The following MAP7 variants were observed in gnomAD, a reference collection of about 807,000 sequenced individuals.
The protein encoded by MAP7 is ensconsin.
MAP7 carries 52 observed loss-of-function variants against 94.8 expected under a neutral mutation model. The observed-to-expected ratio is 0.55, with a 90% CI of 0.44 to 0.69. MAP7 has a LOEUF of 0.69. Ranked by LOEUF, MAP7 falls within the 30% of genes least tolerant of loss-of-function variation. MAP7 has a pLI of 0.00. For missense variants in MAP7, 940 were observed against 964.6 expected, an observed-to-expected ratio of 0.97 and a Z score of 0.34; for synonymous variants, 350 against 357.0, an observed-to-expected ratio of 0.98 and a Z score of 0.22.
chr6:136,508,373 G>A (rs1195532232), intron 1 of MAP7, among the ~76,000 whole-genome samples: 1 of 152,026 alleles, frequency 6.6e-6, no homozygotes, highest in Non-Finnish European at 1.5e-5. Flanking sequence ...AGAGACCACA[G>A]TAACAAAGAT....
intron 1 of MAP7, among the ~76,000 whole-genome samples, chr6:136,464,009 G>C (rs1359154001): frequency 6.6e-6 from 1 of 152,152 alleles, no homozygotes; most frequent in Admixed American, 6.5e-5. Context: ...ATGTGGAAGG[G>C]GCTGCCCTCC....
chr6:136,440,500 G>A (rs905920646), intron 1 of MAP7, among the ~76,000 whole-genome samples: 2 of 152,094 alleles, frequency 1.3e-5, no homozygotes, highest in Non-Finnish European at 2.9e-5. Context: ...AACAGGATAT[G>A]CATCAGCTTT....
chr6:136,484,143 G>A (rs907355571), intron 1 of MAP7, among the ~76,000 whole-genome samples: 16 of 152,186 alleles, frequency 1.1e-4, no homozygotes, highest in South Asian at 4.1e-4. Flanking sequence ...TCCATCTCAA[G>A]TGAGTCCAGC....
At position 136,362,479 on chromosome 6, in the gene MAP7, C is replaced by T; in HGVS notation, c.1497G>A (p.Arg499=). 1 of 1,614,188 alleles carries T rather than the reference C, an allele frequency of 6.2e-7. No homozygotes were observed. The highest frequency in any genetic ancestry group is 1.1e-5 in the South Asian group (1 of 91,074). Residue 499 remains arginine, a synonymous_variant, in exon 11 of 18, where the codon AGG becomes AGA. Coordinates refer to ENST00000354570, the MANE Select transcript of MAP7 (RefSeq NM_003980.6). ...LAREQREKEE[R]ERREQEELER... ...CAAGCTCTTCCTGCTCCCTCCTCTC[C>T]CTTTCTTCCTTTTCTCTCTGCTCTC...
At chr6:136,447,161 AC>A (rs963112681) in intron 1 of MAP7, among the ~76,000 whole-genome samples, 3 of 151,536 alleles carry the variant, frequency 2.0e-5, no homozygotes, top group Non-Finnish European at 4.4e-5. Flanking sequence ...AAAACTCATC[AC>A]CCCCCCGAAA....
chr6:136,430,907 C>A (rs772536007), intron 1 of MAP7, among the ~76,000 whole-genome samples: 27 of 152,258 alleles, frequency 1.8e-4, no homozygotes, highest in Admixed American at 3.3e-4. Context: ...GCCCTGCGCC[C>A]CCACCGCCTA....
chr6:136,440,206 GCAGT>G (rs1797438808), intron 1 of MAP7, among the ~76,000 whole-genome samples: 1 of 152,186 alleles, frequency 6.6e-6, no homozygotes, highest in Middle Eastern at 3.2e-3. Flanking sequence ...TATTTAATGA[GCAGT>G]CACTGTTCCA....
intron 1 of MAP7, among the ~76,000 whole-genome samples, chr6:136,434,728 TG>T (rs988451233): frequency 9.9e-5 from 15 of 151,764 alleles, no homozygotes; most frequent in Non-Finnish European, 1.5e-5. Context: ...AACAAACTAA[TG>T]GAAAGGATCC....
chr6:136,471,231 T>G (rs1397615854), intron 1 of MAP7, among the ~76,000 whole-genome samples: 2 of 152,240 alleles, frequency 1.3e-5, no homozygotes, highest in African/African-American at 4.8e-5. Context: ...TATTATTTGA[T>G]GCAAGCTGGT....
intron 3 of MAP7, among the ~76,000 whole-genome samples, chr6:136,409,281 A>G (rs1468341071): frequency 6.6e-6 from 1 of 152,190 alleles, no homozygotes; most frequent in Non-Finnish European, 1.5e-5. Context: ...GCTACTAAAG[A>G]GGCTGAGGAG....
intron 1 of MAP7, among the ~76,000 whole-genome samples, chr6:136,537,137 TTCTC>T (rs537872867): frequency 1.7e-4 from 25 of 150,938 alleles, no homozygotes; most frequent in African/African-American, 6.1e-4. Context: ...GTTGGAAACT[TTCTC>T]TTTCTTTTTT....
chr6:136,376,287 A>T (rs1304213594), intron 7 of MAP7, among the ~76,000 whole-genome samples: 1 of 151,128 alleles, frequency 6.6e-6, no homozygotes, highest in Non-Finnish European at 1.5e-5. Context: ...TTTAGTAGAG[A>T]CGGGGTTTCA....
At chr6:136,518,389 AG>A (rs1228313823) in intron 1 of MAP7, among the ~76,000 whole-genome samples, 1 of 152,204 alleles carries the variant, frequency 6.6e-6, no homozygotes, top group Non-Finnish European at 1.5e-5. Context: ...CCTGAAAAAC[AG>A]GACCTGCATT....
intron 2 of MAP7, chr6:136,420,222 AG>A: frequency 9.5e-7 from 1 of 1,051,986 alleles, no homozygotes; most frequent in South Asian, 1.3e-5. Context: ...TTTCAGAGCC[AG>A]GAACATAGAA....
intron 1 of MAP7, among the ~76,000 whole-genome samples, chr6:136,459,654 G>A (rs938612100): frequency 6.6e-6 from 1 of 152,092 alleles, no homozygotes; most frequent in Non-Finnish European, 1.5e-5. Flanking sequence ...ATCACAGAAG[G>A]ACAAACACTG....
chr6:136,364,398 T>TA, intron 10 of MAP7: 1 of 346,380 alleles, frequency 2.9e-6, no homozygotes, highest in East Asian at 8.4e-5. Flanking sequence ...GGAGAAGAAA[T>TA]AGAAGCAAAG....
rs78379905 is a variant in MAP7 at position 136,532,228 on chromosome 6, G to A, written c.67+18114C>T. 0.012 allele frequency among the ~76,000 whole-genome samples: 1,889 copies of A among 152,250 alleles called. 83 individuals carry two copies. The East Asian group carries it at 0.14, about 11-fold the overall frequency. On this transcript the variant is annotated intron_variant, in intron 1 of 17. Transcript: ENST00000354570. Reference sequence around the variant, plus strand: ...CACAGTGGAATCGGCAGACACCAGCGTGCCTAATAGGAGGACAAGCGTTCT... The same window carrying A: ...CACAGTGGAATCGGCAGACACCAGCATGCCTAATAGGAGGACAAGCGTTCT...
At chr6:136,379,057 G>T (rs539846993) in intron 6 of MAP7, among the ~76,000 whole-genome samples, 1 of 152,260 alleles carries the variant, frequency 6.6e-6, no homozygotes, top group South Asian at 2.1e-4. Flanking sequence ...CACCTGAAAA[G>T]GCTGCTTCTG....
intron 6 of MAP7, among the ~76,000 whole-genome samples, chr6:136,380,931 C>A (rs938406943): frequency 6.6e-6 from 1 of 152,190 alleles, no homozygotes; most frequent in Non-Finnish European, 1.5e-5. Flanking sequence ...GGATATATTA[C>A]AGCAGAACAT....
Sources: gnomAD v4.1 joint callset for allele counts (sites outside exome capture counted in the v4.1 genomes callset) on GRCh38, gnomAD v4.1.1 for gene constraint, MANE v1.5 for transcripts, NCBI Gene and HGNC (gene_info 2026-07-23, HGNC 2026-07-21) for gene names.